SCHIP1: variants seen among roughly 807,000 people sequenced by gnomAD.
The protein encoded by SCHIP1 is schwannomin interacting protein 1.
In SCHIP1, 8 loss-of-function variants were observed where a neutral mutation model predicts 29.7. The observed-to-expected ratio is 0.27, with a 90% CI of 0.16 to 0.49. The LOEUF (loss-of-function observed/expected upper bound fraction) is 0.49, where lower values mean the gene tolerates loss of function less well. Ranked by LOEUF, SCHIP1 falls within the 20% of genes least tolerant of loss-of-function variation. The probability of loss-of-function intolerance (pLI) is 0.99; values close to 1 mark genes in which losing one functional copy is unlikely to be tolerated. For missense variants in SCHIP1, 193 were observed against 294.6 expected, an observed-to-expected ratio of 0.66 and a Z score of 2.52; for synonymous variants, 76 against 94.9, an observed-to-expected ratio of 0.80 and a Z score of 1.16.
At chr3:159,297,522 G>C in the SCHIP1 span, among the ~76,000 whole-genome samples, 1 of 152,108 alleles carries the variant, frequency 6.6e-6, no homozygotes, top group Non-Finnish European at 1.5e-5. Flanking sequence ...CCAGAATCTG[G>C]ACTCAGGAGT....
the SCHIP1 span, among the ~76,000 whole-genome samples, chr3:159,498,706 C>T: frequency 2.0e-5 from 3 of 151,568 alleles, no homozygotes; most frequent in Non-Finnish European, 4.4e-5. Flanking sequence ...ATATAGGTAC[C>T]AAAATGCTCA....
the SCHIP1 span, among the ~76,000 whole-genome samples, chr3:159,503,468 A>T: frequency 6.6e-6 from 1 of 152,190 alleles, no homozygotes; most frequent in Non-Finnish European, 1.5e-5. Flanking sequence ...ATACATGTAC[A>T]TATCCCTCTG....
the SCHIP1 span, among the ~76,000 whole-genome samples, chr3:159,280,762 A>T: frequency 1.3e-5 from 2 of 152,314 alleles, no homozygotes; most frequent in South Asian, 4.1e-4. Flanking sequence ...AGTGGCTAAA[A>T]GCTGTGTTTT....
chr3:159,349,020 T>TGAAA, the SCHIP1 span, among the ~76,000 whole-genome samples: 19 of 152,334 alleles, frequency 1.2e-4, no homozygotes, highest in East Asian at 3.5e-3. Context: ...TCATCTTGAA[T>TGAAA]GAAAGAGCTA....
At chr3:159,427,937 A>C in the SCHIP1 span, among the ~76,000 whole-genome samples, 2 of 151,280 alleles carry the variant, frequency 1.3e-5, no homozygotes, top group Non-Finnish European at 3.0e-5. Context: ...AAAAACAAGC[A>C]ATGGGGAAAG....
the SCHIP1 span, among the ~76,000 whole-genome samples, chr3:159,454,110 A>C: frequency 6.6e-6 from 1 of 152,310 alleles, no homozygotes; most frequent in Non-Finnish European, 1.5e-5. Context: ...GGAAGATTCA[A>C]GTAGGGCAGT....
the SCHIP1 span, among the ~76,000 whole-genome samples, chr3:159,552,032 CTTTTTTT>C: frequency 1.1e-3 from 116 of 103,566 alleles, no homozygotes; most frequent in Admixed American, 3.8e-3. Flanking sequence ...TGCCACATTG[CTTTTTTT>C]TTTTTTTTTT....
the SCHIP1 span, among the ~76,000 whole-genome samples, chr3:159,362,209 G>A: frequency 2.6e-5 from 4 of 152,208 alleles, no homozygotes; most frequent in Admixed American, 1.3e-4. Flanking sequence ...AACCAGTGAA[G>A]GAGGTGTTAT....
chr3:159,445,115 G>T, the SCHIP1 span, among the ~76,000 whole-genome samples: 42 of 152,104 alleles, frequency 2.8e-4, no homozygotes, highest in African/African-American at 9.9e-4. Flanking sequence ...GAAAGTTTTC[G>T]CAACCTACTC....
chr3:159,701,187 C>A, the SCHIP1 span, among the ~76,000 whole-genome samples: 2 of 152,134 alleles, frequency 1.3e-5, no homozygotes, highest in Admixed American at 1.3e-4. Context: ...CTTTTTTACC[C>A]TTTCTGTTTT....
chr3:159,854,733 A>G (rs568838219), intron 1 of SCHIP1, among the ~76,000 whole-genome samples: 25 of 152,366 alleles, frequency 1.6e-4, no homozygotes, highest in African/African-American at 6.0e-4. Context: ...TCAGTGTCAA[A>G]GAACTGGTCA....
chr3:159,707,814 C>G, the SCHIP1 span, among the ~76,000 whole-genome samples: 1 of 152,188 alleles, frequency 6.6e-6, no homozygotes, highest in Non-Finnish European at 1.5e-5. Context: ...CCCTAATTTT[C>G]AGTTCATCAA....
chr3:159,491,700 G>A, the SCHIP1 span, among the ~76,000 whole-genome samples: 4 of 152,220 alleles, frequency 2.6e-5, no homozygotes, highest in Non-Finnish European at 4.4e-5. Flanking sequence ...ACAAAAGACA[G>A]CAATAACCTC....
the SCHIP1 span, among the ~76,000 whole-genome samples, chr3:159,349,237 C>T: frequency 4.6e-5 from 7 of 152,282 alleles, no homozygotes; most frequent in Admixed American, 4.6e-4. Context: ...TGAGACAGCA[C>T]CTTTATTTTC....
the SCHIP1 span, among the ~76,000 whole-genome samples, chr3:159,718,468 T>C: frequency 3.5e-4 from 53 of 152,346 alleles, no homozygotes; most frequent in African/African-American, 1.2e-3. Flanking sequence ...GACATGATTG[T>C]ATATTTAGAA....
the SCHIP1 span, chr3:159,274,385 C>G: frequency 1.0e-6 from 1 of 969,336 alleles, no homozygotes; most frequent in Non-Finnish European, 1.2e-6. Context: ...TATTTGATGA[C>G]TTAAAAAATC....
chr3:159,496,819 G>C, the SCHIP1 span, among the ~76,000 whole-genome samples: 13 of 152,114 alleles, frequency 8.5e-5, no homozygotes, highest in African/African-American at 2.9e-4. Context: ...TGTTTATTGC[G>C]GCACTATTCA....
the SCHIP1 span, chr3:159,765,153 G>T: frequency 8.4e-6 from 13 of 1,548,026 alleles, no homozygotes; most frequent in Non-Finnish European, 1.0e-5. Flanking sequence ...GTTGGCCGGG[G>T]TGCGTGCCCA....
the SCHIP1 span, among the ~76,000 whole-genome samples, chr3:159,598,455 T>C: frequency 9.2e-5 from 14 of 152,184 alleles, no homozygotes; most frequent in Non-Finnish European, 1.9e-4. Context: ...AAAGGGGCTA[T>C]TGGCTCCATG....
Sources: allele counts gnomAD v4.1 joint callset (sites outside exome capture counted in the v4.1 genomes callset), GRCh38; gene constraint gnomAD v4.1.1; transcripts MANE v1.5; gene names NCBI Gene and HGNC (gene_info 2026-07-23, HGNC 2026-07-21).